Variants in CHCHD6 observed in about 807,000 individuals in gnomAD.
CHCHD6 encodes the protein coiled-coil-helix-coiled-coil-helix domain containing 6.
CHCHD6 carries 28 observed loss-of-function variants against 32.3 expected under a neutral mutation model. The observed-to-expected ratio is 0.87, with a 90% CI of 0.64 to 1.19. CHCHD6 has a LOEUF of 1.19. CHCHD6 is among the 50% of genes most tolerant of loss of function. The pLI is 0.00. For synonymous variants in CHCHD6, 122 were observed against 117.5 expected, an observed-to-expected ratio of 1.04 and a Z score of -0.25; for missense variants, 333 against 307.0, an observed-to-expected ratio of 1.08 and a Z score of -0.63.
intron 6 of CHCHD6, among the ~76,000 whole-genome samples, chr3:126,922,852 G>A (rs2078271953): frequency 6.6e-6 from 1 of 152,218 alleles, no homozygotes; most frequent in East Asian, 1.9e-4. Flanking sequence ...AGAGAGAGTT[G>A]ACCAACAGAG....
chr3:126,929,575 T>C (rs116053363), intron 6 of CHCHD6, among the ~76,000 whole-genome samples: 1,827 of 150,076 alleles, frequency 0.012, 19 homozygotes, highest in Middle Eastern at 0.048. Context: ...CTCTCTCTCT[T>C]TTTTTTTTGA....
At chr3:126,945,008 G>T (rs1466134671) in intron 6 of CHCHD6, among the ~76,000 whole-genome samples, 2 of 152,180 alleles carry the variant, frequency 1.3e-5, no homozygotes, top group Non-Finnish European at 2.9e-5. Flanking sequence ...ACCATGGGAT[G>T]GGCACTTAGT....
At chr3:126,865,090 C>T (rs1194385218) in intron 5 of CHCHD6, among the ~76,000 whole-genome samples, 2 of 126,046 alleles carry the variant, frequency 1.6e-5, no homozygotes. Context: ...ACTTCTTCCT[C>T]CTCCTCCTCC....
chr3:126,959,728 G>T (rs1031419168), intron 7 of CHCHD6, among the ~76,000 whole-genome samples: 3 of 152,226 alleles, frequency 2.0e-5, no homozygotes, highest in Admixed American at 6.5e-5. Context: ...GAGGACAGGG[G>T]CCTCAGGCTG....
chr3:126,793,540 A>G (rs1470124571), intron 4 of CHCHD6, among the ~76,000 whole-genome samples: 1 of 152,090 alleles, frequency 6.6e-6, no homozygotes, highest in African/African-American at 2.4e-5. Context: ...GTTGTCTTAA[A>G]TATTACCTGT....
intron 4 of CHCHD6, among the ~76,000 whole-genome samples, chr3:126,778,710 G>A (rs1937773398): frequency 6.6e-6 from 1 of 152,016 alleles, no homozygotes; most frequent in Non-Finnish European, 1.5e-5. Context: ...ACATTTCCTG[G>A]GTTTCTTTTC....
At chr3:126,864,692 CCACCATCAT>C in intron 5 of CHCHD6, among the ~76,000 whole-genome samples, 1 of 149,114 alleles carries the variant, frequency 6.7e-6, no homozygotes, top group Admixed American at 6.7e-5. Context: ...TCCTCCTCCT[CCACCATCAT>C]CTCCTCTTCC....
intron 4 of CHCHD6, among the ~76,000 whole-genome samples, chr3:126,792,656 C>T (rs1053841473): frequency 7.2e-5 from 11 of 151,834 alleles, no homozygotes; most frequent in Admixed American, 6.6e-4. Context: ...TTTTAGTGTT[C>T]ATTTTATGAG....
At chr3:126,841,644 G>A (rs939812465) in intron 4 of CHCHD6, among the ~76,000 whole-genome samples, 3 of 152,046 alleles carry the variant, frequency 2.0e-5, no homozygotes, top group Admixed American at 6.5e-5. Context: ...GGTTGCTCAC[G>A]CCTGTAATCC....
rs1032705691 is a variant in CHCHD6 at position 126,960,310 on chromosome 3, A to G, written c.*109A>G. The G allele has an allele frequency of 2.4e-5, 32 of 1,338,576 alleles. No homozygotes were observed. Among genetic ancestry groups the G allele is most frequent in the Admixed American group, 7.9e-5 (4 of 50,634 alleles). The allele number at this position is 1,338,576 out of a possible 1,614,324, so 82.9% of individuals were successfully genotyped here. On this transcript the variant is annotated 3_prime_UTR_variant, in exon 8 of 8. Coordinates refer to ENST00000290913, the MANE Select transcript of CHCHD6 (RefSeq NM_032343.3). ...GCCGTTTCCTGCTGGGCCCCTGCATATGCCCCTGAGCCTGGGGCTGCCACG... is the reference window on the plus strand; with the variant it reads ...GCCGTTTCCTGCTGGGCCCCTGCATGTGCCCCTGAGCCTGGGGCTGCCACG...
chr3:126,876,234 C>T (rs2107570447), intron 5 of CHCHD6, among the ~76,000 whole-genome samples: 1 of 152,332 alleles, frequency 6.6e-6, no homozygotes, highest in Non-Finnish European at 1.5e-5. Flanking sequence ...TATTCAGGGA[C>T]CCCAGTACCC....
intron 4 of CHCHD6, among the ~76,000 whole-genome samples, chr3:126,789,726 G>T (rs569254618): frequency 6.6e-6 from 1 of 152,128 alleles, no homozygotes; most frequent in African/African-American, 2.4e-5. Context: ...GTCTCTGCAC[G>T]TGAGATGGGT....
At chr3:126,884,418 A>G (rs1484715996) in intron 5 of CHCHD6, among the ~76,000 whole-genome samples, 2 of 152,198 alleles carry the variant, frequency 1.3e-5, no homozygotes, top group Non-Finnish European at 2.9e-5. Context: ...TTTATACTAT[A>G]TATATATTGA....
intron 6 of CHCHD6, among the ~76,000 whole-genome samples, chr3:126,946,269 AC>A (rs2107605488): frequency 6.6e-6 from 1 of 152,214 alleles, no homozygotes; most frequent in African/African-American, 2.4e-5. Context: ...AAAGCGCCCC[AC>A]CTGGCTTCCT....
intron 6 of CHCHD6, among the ~76,000 whole-genome samples, chr3:126,947,809 A>G (rs2078660819): frequency 6.6e-6 from 1 of 152,134 alleles, no homozygotes; most frequent in Non-Finnish European, 1.5e-5. Flanking sequence ...AGTGCAGAAG[A>G]CTTCCTGGGC....
intron 5 of CHCHD6, among the ~76,000 whole-genome samples, chr3:126,913,396 A>AT (rs969625990): frequency 5.2e-4 from 76 of 147,426 alleles, no homozygotes; most frequent in African/African-American, 1.6e-3. Context: ...CACCCAGCTA[A>AT]TTTTTTTTTT....
intron 5 of CHCHD6, among the ~76,000 whole-genome samples, chr3:126,907,235 T>C (rs1559915224): frequency 6.6e-6 from 1 of 152,192 alleles, no homozygotes; most frequent in Non-Finnish European, 1.5e-5. Context: ...TGAATCTCTT[T>C]AGGGTCTCTG....
chr3:126,867,767 A>T (rs1942336858), intron 5 of CHCHD6, among the ~76,000 whole-genome samples: 1 of 152,162 alleles, frequency 6.6e-6, no homozygotes, highest in Non-Finnish European at 1.5e-5. Context: ...TCCTGCCCAC[A>T]TCATTGAGCT....
At chr3:126,874,589 G>A (rs778176639) in intron 5 of CHCHD6, among the ~76,000 whole-genome samples, 1 of 152,132 alleles carries the variant, frequency 6.6e-6, no homozygotes, top group Non-Finnish European at 1.5e-5. Context: ...CACTACCACA[G>A]CAGAAGACTC....
Sources: allele counts gnomAD v4.1 joint callset (sites outside exome capture counted in the v4.1 genomes callset), GRCh38; gene constraint gnomAD v4.1.1; transcripts MANE v1.5; gene names NCBI Gene and HGNC (gene_info 2026-07-23, HGNC 2026-07-21).